TMOD3: variants seen among roughly 807,000 people sequenced by gnomAD.
The protein encoded by TMOD3 is tropomodulin-3.
In TMOD3, 20 loss-of-function variants were observed where a neutral mutation model predicts 39.2. The observed-to-expected ratio is 0.51, with a 90% CI of 0.36 to 0.74. The LOEUF is 0.74. Among genes scored for constraint, TMOD3 ranks in the 30% least tolerant of loss-of-function variants. TMOD3 has a pLI of 0.00. For missense variants in TMOD3, 381 were observed against 412.8 expected (o/e 0.92, Z 0.67); for synonymous variants, 143 against 145.8 (o/e 0.98, Z 0.14).
chr15:51,841,829 G>T (rs2056314082), intron 1 of TMOD3, among the ~76,000 whole-genome samples: 1 of 152,136 alleles, frequency 6.6e-6, no homozygotes, highest in Non-Finnish European at 1.5e-5. Flanking sequence ...GAGTGCGGTG[G>T]CACGATCTTG....
chr15:51,859,658 A>C (rs184999421), intron 1 of TMOD3: 2 of 497,154 alleles, frequency 4.0e-6, no homozygotes, highest in African/African-American at 2.0e-5. Flanking sequence ...AGAAGTCCAC[A>C]ATGGTAGACA....
At chr15:51,873,531 A>T (rs992365506) in intron 3 of TMOD3, among the ~76,000 whole-genome samples, 1 of 152,204 alleles carries the variant, frequency 6.6e-6, no homozygotes, top group African/African-American at 2.4e-5. Context: ...TGATTTTTTC[A>T]TTCAAAGATG....
chr15:51,845,877 G>A (rs539495815), intron 1 of TMOD3, among the ~76,000 whole-genome samples: 8 of 152,152 alleles, frequency 5.3e-5, no homozygotes, highest in Admixed American at 1.3e-4. Context: ...GAAGGACTTC[G>A]GAGTAATCAA....
rs765702419 is a variant in TMOD3, at chr15:51,887,739, A to T, written c.406+28A>T. 3.1e-6 allele frequency: 5 copies of T among 1,612,954 alleles called. No homozygotes were observed. The South Asian group carries it at 5.5e-5, about 18-fold the overall frequency. The stretch of plus-strand genomic sequence containing the variant: ...ATCACCTAAAACAAGTTAATTTGTG[A>T]ATAAGTGTGGGGTGGAGTGGGAAAT... On this transcript the variant is annotated intron_variant, in intron 4 of 9. Transcript: ENST00000308580.
rs1379097092 is a variant in TMOD3, at chr15:51,887,622, A to T, written c.317A>T (p.Gln106Leu). Residue 106 changes from glutamine to leucine, a missense_variant, in exon 4 of 10, where the codon CAG (glutamine) becomes CTG (leucine). Physicochemically the swap from Gln to Leu is moderately radical, Grantham distance 113. Transcript: ENST00000308580. ...TTTATCCCCAAACAGAAACCTGTAC[A>T]GACTTTTACAGAAGAAAAAGTGTCT... Reference protein sequence around the residue: ...KIFIPKQKPVQTFTEEKVSLD... With the variant: ...KIFIPKQKPVLTFTEEKVSLD... The T allele has an allele frequency of 1.9e-6, 3 of 1,613,896 alleles. No homozygotes were observed. The highest frequency in any genetic ancestry group is 2.5e-6 in the Non-Finnish European group (3 of 1,179,940).
intron 3 of TMOD3, among the ~76,000 whole-genome samples, chr15:51,875,752 A>G (rs571801775): frequency 6.6e-6 from 1 of 151,780 alleles, no homozygotes; most frequent in Admixed American, 6.6e-5. Flanking sequence ...AGTAACTGGG[A>G]CTACAGGCAG....
intron 1 of TMOD3, among the ~76,000 whole-genome samples, chr15:51,841,515 C>G (rs1021316911): frequency 1.1e-4 from 17 of 152,160 alleles, no homozygotes; most frequent in Admixed American, 2.6e-4. Flanking sequence ...CTTTAGCCCC[C>G]TTCTAAAGAA....
chr15:51,834,113 A>G (rs1343887016), intron 1 of TMOD3, among the ~76,000 whole-genome samples: 1 of 152,114 alleles, frequency 6.6e-6, no homozygotes, highest in African/African-American at 2.4e-5. Flanking sequence ...AGTCTTACCT[A>G]GTCTTTCATT....
chr15:51,888,545 CTAAG>C (rs1445648491), intron 4 of TMOD3, among the ~76,000 whole-genome samples: 2 of 152,090 alleles, frequency 1.3e-5, no homozygotes, highest in African/African-American at 4.8e-5. Context: ...ATTTTTCCTC[CTAAG>C]TGTCATTTTT....
chr15:51,852,020 C>T (rs2056364470), intron 1 of TMOD3, among the ~76,000 whole-genome samples: 1 of 152,144 alleles, frequency 6.6e-6, no homozygotes, highest in South Asian at 2.1e-4. Context: ...AGTTTTCTTC[C>T]TTATAGTACT....
Position 51,909,112 on chromosome 15 carries a change from T to C in TMOD3, c.*302T>C. ...CACAGGTCATTTGTGTAGAATAATT[T>C]GAACATTGTGAGGACCAATCTTTTT... On this transcript the variant is annotated 3_prime_UTR_variant, in exon 10 of 10. Coordinates refer to ENST00000308580, the MANE Select transcript of TMOD3 (RefSeq NM_014547.5). 4.1e-6 allele frequency: 1 copy of C among 244,264 alleles called. No homozygotes were observed. The highest frequency in any genetic ancestry group is 7.8e-6 in the Non-Finnish European group (1 of 128,532). 15.1% of individuals were successfully genotyped at this position (244,264 alleles called of 1,614,324 possible). A position where few individuals can be genotyped will look rare whatever the true frequency, so the allele number is the denominator to read the frequency against.
intron 2 of TMOD3, among the ~76,000 whole-genome samples, chr15:51,865,018 ACT>A (rs2056438348): frequency 6.6e-6 from 1 of 151,980 alleles, no homozygotes; most frequent in East Asian, 1.9e-4. Context: ...CCCAATTCTC[ACT>A]CTGTTCCTCA....
chr15:51,830,653 G>T (rs1444452591), intron 1 of TMOD3, among the ~76,000 whole-genome samples: 1 of 152,172 alleles, frequency 6.6e-6, no homozygotes, highest in Non-Finnish European at 1.5e-5. Flanking sequence ...CAGGAAATAA[G>T]CCTGTGGAGA....
At chr15:51,856,213 T>G (rs1398615923) in intron 1 of TMOD3, among the ~76,000 whole-genome samples, 2 of 152,144 alleles carry the variant, frequency 1.3e-5, no homozygotes, top group Non-Finnish European at 2.9e-5. Flanking sequence ...CAGTGAGCCG[T>G]CATTGCACCA....
chr15:51,876,319 C>G (rs908355450), intron 3 of TMOD3, among the ~76,000 whole-genome samples: 1 of 152,250 alleles, frequency 6.6e-6, no homozygotes. Context: ...CAGGCATGTG[C>G]TACCACACCT....
intron 5 of TMOD3, among the ~76,000 whole-genome samples, chr15:51,893,611 A>G (rs533562635): frequency 6.6e-6 from 1 of 152,152 alleles, no homozygotes; most frequent in South Asian, 2.1e-4. Flanking sequence ...TAAAAATACA[A>G]AAAATTAGCT....
At chr15:51,858,606 T>C (rs1351204058) in intron 1 of TMOD3, among the ~76,000 whole-genome samples, 1 of 152,148 alleles carries the variant, frequency 6.6e-6, no homozygotes, top group Non-Finnish European at 1.5e-5. Flanking sequence ...TGTTTTTACT[T>C]TTTTCAACAC....
intron 6 of TMOD3, among the ~76,000 whole-genome samples, chr15:51,894,703 A>G (rs2056612222): frequency 6.6e-6 from 1 of 152,200 alleles, no homozygotes; most frequent in Non-Finnish European, 1.5e-5. Context: ...GCTTCTTAGC[A>G]TAATACATTT....
chr15:51,845,055 T>C (rs2056329072), intron 1 of TMOD3, among the ~76,000 whole-genome samples: 1 of 152,234 alleles, frequency 6.6e-6, no homozygotes. Flanking sequence ...ACTTATACAT[T>C]GTTCACCTTG....
Sources: gnomAD v4.1 joint callset for allele counts (sites outside exome capture counted in the v4.1 genomes callset) on GRCh38, gnomAD v4.1.1 for gene constraint, MANE v1.5 for transcripts, NCBI Gene and HGNC (gene_info 2026-07-23, HGNC 2026-07-21) for gene names.